Variants in IMMP2L observed in about 807,000 individuals in gnomAD.
IMMP2L encodes mitochondrial inner membrane protease subunit 2.
Under a neutral mutation model 19.3 loss-of-function variants are expected in IMMP2L, and 18 were observed. That is an observed-to-expected ratio of 0.93 (90% CI 0.64 to 1.38). The LOEUF is 1.38. Ranked by LOEUF, IMMP2L falls within the 40% of genes most tolerant of loss-of-function variation. The pLI is 0.00. For synonymous variants in IMMP2L, 76 were observed against 73.0 expected (o/e 1.04, Z -0.21); for missense variants, 233 against 218.2 (o/e 1.07, Z -0.43).
At chr7:111,547,150 T>C (rs1849001706) in intron 1 of IMMP2L, among the ~76,000 whole-genome samples, 1 of 152,150 alleles carries the variant, frequency 6.6e-6, no homozygotes, top group Admixed American at 6.5e-5. Flanking sequence ...CAATCTTGAG[T>C]TTAACCAGCA....
At chr7:110,706,659 G>A (rs576895552) in intron 5 of IMMP2L, among the ~76,000 whole-genome samples, 1 of 152,090 alleles carries the variant, frequency 6.6e-6, no homozygotes. Flanking sequence ...CTTCTTTCAA[G>A]AAGTGTCCAT....
Position 110,902,841 on chromosome 7 carries a change from A to G in IMMP2L, c.306-16146T>C, listed in dbSNP as rs1812034867. On this transcript the variant is annotated intron_variant, in intron 4 of 5. Transcript: ENST00000405709. ...CAGCTACTTGGGAGGCTGAGGCAGG[A>G]GAATGGCGTGAACCCGGGAGGCGGA... 3.3e-5 allele frequency among the ~76,000 whole-genome samples: 2 copies of G among 60,692 alleles called. 1 individual carries two copies. The highest frequency in any genetic ancestry group is 1.7e-4 in the African/African-American group (2 of 11,872). 39.8% of individuals were successfully genotyped at this position (60,692 alleles called of 152,430 possible). A position where few individuals can be genotyped will look rare whatever the true frequency, so the allele number is the denominator to read the frequency against.
At chr7:111,432,984 G>C (rs910916128) in intron 3 of IMMP2L, among the ~76,000 whole-genome samples, 2 of 151,268 alleles carry the variant, frequency 1.3e-5, no homozygotes, top group African/African-American at 4.9e-5. Flanking sequence ...AAACACACCT[G>C]GGAATATATT....
At chr7:111,131,148 G>C (rs1378192269) in intron 3 of IMMP2L, among the ~76,000 whole-genome samples, 1 of 146,164 alleles carries the variant, frequency 6.8e-6, no homozygotes, top group East Asian at 2.0e-4. Flanking sequence ...TTTAAAAGTA[G>C]AAAAAAAAAG....
chr7:111,083,941 T>A (rs1796093200), intron 3 of IMMP2L, among the ~76,000 whole-genome samples: 1 of 152,088 alleles, frequency 6.6e-6, no homozygotes, highest in Non-Finnish European at 1.5e-5. Context: ...ACAACAAAAA[T>A]ACTAAATTTG....
intron 5 of IMMP2L, among the ~76,000 whole-genome samples, chr7:110,776,746 T>C (rs933067815): frequency 3.9e-5 from 6 of 152,056 alleles, no homozygotes; most frequent in African/African-American, 1.4e-4. Flanking sequence ...CAATATTTCT[T>C]TTGAAAGCCT....
intron 5 of IMMP2L, among the ~76,000 whole-genome samples, chr7:110,720,984 C>T (rs1217156278): frequency 6.6e-6 from 1 of 151,686 alleles, no homozygotes; most frequent in Non-Finnish European, 1.5e-5. Flanking sequence ...CAGCTTCTCC[C>T]CACCCCCTCC....
At chr7:110,800,480 C>G (rs565078237) in intron 5 of IMMP2L, among the ~76,000 whole-genome samples, 120 of 152,102 alleles carry the variant, frequency 7.9e-4, no homozygotes, top group Non-Finnish European at 7.8e-4. Context: ...CATTAAACAA[C>G]AAAAGGATCA....
intron 1 of IMMP2L, among the ~76,000 whole-genome samples, chr7:111,536,546 G>C (rs185751489): frequency 1.2e-3 from 177 of 152,072 alleles, no homozygotes; most frequent in Non-Finnish European, 4.1e-4. Flanking sequence ...AATTCAAGTG[G>C]TCCACCAGCC....
intron 4 of IMMP2L, among the ~76,000 whole-genome samples, chr7:110,892,066 G>T (rs1810856306): frequency 6.6e-6 from 1 of 152,084 alleles, no homozygotes; most frequent in Admixed American, 6.6e-5. Context: ...AAGCCTCGAG[G>T]TCTCTCTGAC....
chr7:111,304,041 A>G (rs1194524777), intron 3 of IMMP2L, among the ~76,000 whole-genome samples: 2 of 152,156 alleles, frequency 1.3e-5, no homozygotes, highest in Admixed American at 1.3e-4. Context: ...AAAGAAAATG[A>G]ATTTCCATAT....
At chr7:110,907,861 G>C (rs115591747) in intron 4 of IMMP2L, among the ~76,000 whole-genome samples, 2,385 of 152,170 alleles carry the variant, frequency 0.016, 65 homozygotes, top group African/African-American at 0.054. Context: ...AATTGGTGGG[G>C]GGGAAATGCT....
chr7:111,552,924 T>C (rs370938385), intron 1 of IMMP2L, among the ~76,000 whole-genome samples: 34 of 152,262 alleles, frequency 2.2e-4, no homozygotes, highest in Middle Eastern at 3.4e-3. Context: ...GGCAAGCCCA[T>C]TGTGGAAAGG....
intron 3 of IMMP2L, among the ~76,000 whole-genome samples, chr7:111,142,336 AAAAAAAAGAAAGAAAG>A (rs57637813): frequency 0.76 from 100,201 of 132,596 alleles, 39,183 homozygotes; most frequent in Non-Finnish European, 0.86. Flanking sequence ...AAAAAAAAAA[AAAAAAAAGAAAGAAAG>A]AAAGAAAGAA....
chr7:111,539,172 GAAGGAAGGAAGGAAGGAAGGAGGGAGAA>G (rs1381317270), intron 1 of IMMP2L, among the ~76,000 whole-genome samples: 19 of 66,082 alleles, frequency 2.9e-4, no homozygotes, highest in African/African-American at 1.0e-3. Context: ...AGGAAGGAAG[GAAGGAAGGAAGGAAGGAAGGAGGGAGAA>G]AGAAAGAAAG....
chr7:110,842,138 T>A (rs951033820), intron 5 of IMMP2L, among the ~76,000 whole-genome samples: 9 of 152,200 alleles, frequency 5.9e-5, no homozygotes, highest in Admixed American at 5.9e-4. Context: ...CAAAATGGAC[T>A]CAGTAGCTTC....
intron 3 of IMMP2L, among the ~76,000 whole-genome samples, chr7:111,312,385 G>GT (rs756373293): frequency 1.5e-4 from 23 of 152,190 alleles, no homozygotes; most frequent in Non-Finnish European, 2.6e-4. Context: ...AATTCAACTT[G>GT]TACTGTGATT....
At chr7:110,748,562 C>T (rs765722230) in intron 5 of IMMP2L, among the ~76,000 whole-genome samples, 17 of 151,924 alleles carry the variant, frequency 1.1e-4, no homozygotes, top group African/African-American at 3.1e-4. Context: ...TATAGACCAA[C>T]GGAACAGAAG....
intron 3 of IMMP2L, among the ~76,000 whole-genome samples, chr7:111,389,534 C>G (rs2131313115): frequency 6.7e-6 from 1 of 149,130 alleles, no homozygotes; most frequent in South Asian, 2.1e-4. Context: ...TACTCTCAAG[C>G]CAAAAAAAAA....
Sources: gnomAD v4.1 joint callset for allele counts (sites outside exome capture counted in the v4.1 genomes callset) on GRCh38, gnomAD v4.1.1 for gene constraint, MANE v1.5 for transcripts, NCBI Gene and HGNC (gene_info 2026-07-23, HGNC 2026-07-21) for gene names.